The following DENND6B variants were observed in gnomAD, a reference collection of about 807,000 sequenced individuals.
DENND6B encodes the protein protein DENND6B.
Under a neutral mutation model 85.1 loss-of-function variants are expected in DENND6B, and 73 were observed. That is an observed-to-expected ratio of 0.86 (90% confidence interval 0.71 to 1.04). The LOEUF (loss-of-function observed/expected upper bound fraction) is 1.04. Ranked by LOEUF, DENND6B falls within the 50% of genes least tolerant of loss-of-function variation. The pLI, the probability that DENND6B is intolerant of heterozygous loss-of-function variation, is 0.00. For synonymous variants in DENND6B, 357 were observed against 329.3 expected (o/e 1.08, Z -0.91); for missense variants, 715 against 785.8 (o/e 0.91, Z 1.08).
chr22:50,321,642 G>C (rs1472116829), intron 1 of DENND6B, among the ~76,000 whole-genome samples: 1 of 152,090 alleles, frequency 6.6e-6, no homozygotes, highest in Non-Finnish European at 1.5e-5. Flanking sequence ...GATTACAGGT[G>C]TGAGCCACGG....
chr22:50,313,750 T>C (rs2147767748), intron 14 of DENND6B, 26 bp from the exon 15 acceptor site: 7 of 1,606,428 alleles, frequency 4.4e-6, no homozygotes, highest in Non-Finnish European at 5.9e-6. Flanking sequence ...GGCCAGGCCC[T>C]TGCTGCGCTT....
chr22:50,314,173 G>A (rs190906774), intron 13 of DENND6B, 34 bp downstream of exon 13: 146 of 1,584,690 alleles, frequency 9.2e-5, no homozygotes, highest in Admixed American at 8.5e-4. Context: ...GCCTCTCCAC[G>A]GTGGAGGGGC....
chr22:50,323,281 CTTT>C (rs571677497), intron 1 of DENND6B, among the ~76,000 whole-genome samples: 3 of 126,100 alleles, frequency 2.4e-5, no homozygotes, highest in Non-Finnish European at 1.7e-5. Flanking sequence ...ATGCCTGGCT[CTTT>C]TTTTTTTTTT....
At chr22:50,323,482 C>A (rs1280045246) in intron 1 of DENND6B, among the ~76,000 whole-genome samples, 1 of 151,726 alleles carries the variant, frequency 6.6e-6, no homozygotes, top group Non-Finnish European at 1.5e-5. Flanking sequence ...GACAGGGTTT[C>A]ACCATGTTGC....
Position 50,326,871 on chromosome 22 carries a change from C to A in DENND6B, c.118G>T (p.Ala40Ser). 7.0e-7 allele frequency: 1 copy of A among 1,422,938 alleles called. No homozygotes were observed. The highest frequency in any genetic ancestry group is 1.5e-5 in the African/African-American group (1 of 67,144). The allele number at this position is 1,422,938 out of a possible 1,614,324, so 88.1% of individuals were successfully genotyped here. A position where few individuals can be genotyped will look rare whatever the true frequency, so the allele number is the denominator to read the frequency against. ...ACCACGCACACACACTCCAGCCAGG[C>A]GGAGAAGCGCGCCCAGGGCGCCGCC... ...TPAAPWARFS[A>S]WLECVCVVTF... Residue 40 changes from alanine to serine, a missense_variant, in exon 1 of 20, where the codon GCC (alanine) becomes TCC (serine). Transcript: ENST00000413817.
In DENND6B at chr22:50,311,966, G is replaced by A; in HGVS notation, c.*173C>T. On this transcript the variant is annotated 3_prime_UTR_variant, in exon 20 of 20. Coordinates refer to ENST00000413817, the MANE Select transcript of DENND6B (RefSeq NM_001001794.4). ...ACCCCTATGGTCAAGGCCATGCTGT[G>A]GTTCCAAATGTCGCCTTTACTGCTG... 2 of 1,120,134 alleles carry A rather than the reference G, an allele frequency of 1.8e-6. No individual in the cohort carries two copies. Among genetic ancestry groups the A allele is most frequent in the Non-Finnish European group, 2.5e-6 (2 of 810,512 alleles). The allele number at this position is 1,120,134 out of a possible 1,614,324, so 69.4% of individuals were successfully genotyped here. A position where few individuals can be genotyped will look rare whatever the true frequency, so the allele number is the denominator to read the frequency against.
In DENND6B at chr22:50,314,477, C is replaced by T; in HGVS notation, c.995G>A (p.Gly332Glu). The change falls in exon 12 of 20, where the codon GGA becomes GAA. Residue 332 changes from glycine (G) to glutamate (E), a missense_variant. Transcript: ENST00000413817. ...RTQAPPNVVL[G>E]VTNPFFIKTL... ...TTTGATAAAGAAAGGGTTTGTGACTCCCAGGACCACGTTTGGTCTAGACAG... is the reference window on the plus strand; with the variant it reads ...TTTGATAAAGAAAGGGTTTGTGACTTCCAGGACCACGTTTGGTCTAGACAG... The T allele has an allele frequency of 6.4e-7, 1 of 1,561,180 alleles. No homozygotes were observed. Among genetic ancestry groups the T allele is most frequent in the Non-Finnish European group, 8.7e-7 (1 of 1,151,868 alleles).
At chr22:50,316,837 C>G in intron 5 of DENND6B, 2 of 1,051,468 alleles carry the variant, frequency 1.9e-6, no homozygotes, top group Non-Finnish European at 2.4e-6. Context: ...TGATGACCCT[C>G]CAGCCATCAG....
rs1320692422 is a variant in DENND6B, at chr22:50,317,090, TG to T, written c.453+202del. The T allele has an allele frequency of 2.0e-4, 30 of 153,056 alleles. No homozygotes were observed. In the African/African-American group the frequency reaches 2.0e-3, roughly 10 times the overall value. The allele number at this position is 153,056 out of a possible 1,614,324, so 9.5% of individuals were successfully genotyped here. A position where few individuals can be genotyped will look rare whatever the true frequency, so the allele number is the denominator to read the frequency against. On this transcript the variant is annotated intron_variant, in intron 5 of 19. Transcript: ENST00000413817. Reference sequence around the variant, plus strand: ...GTGGGGGGGGGCGGCGAGGACAGGGTGGGGGGGTGGCGAGGACAGGGTGGGG... The same window carrying T: ...GTGGGGGGGGGCGGCGAGGACAGGGTGGGGGGTGGCGAGGACAGGGTGGGG...
Position 50,311,921 on chromosome 22 carries a change from C to A in DENND6B, c.*218G>T. 1 of 781,338 alleles carries A rather than the reference C, an allele frequency of 1.3e-6. No individual in the cohort carries two copies. Among genetic ancestry groups the A allele is most frequent in the Admixed American group, 3.0e-5 (1 of 33,126 alleles). 48.4% of individuals were successfully genotyped at this position (781,338 alleles called of 1,614,324 possible). On this transcript the variant is annotated 3_prime_UTR_variant, in exon 20 of 20. Transcript: ENST00000413817. ...AGGCCAGGTGGGACCCAGGAGGAGGCAAGGCTCTGCCTGCGAGGAACCCCT... is the reference window on the plus strand; with the variant it reads ...AGGCCAGGTGGGACCCAGGAGGAGGAAAGGCTCTGCCTGCGAGGAACCCCT...
At chr22:50,321,236 T>C (rs1210583124) in intron 1 of DENND6B, among the ~76,000 whole-genome samples, 2 of 152,136 alleles carry the variant, frequency 1.3e-5, no homozygotes, top group Non-Finnish European at 2.9e-5. Flanking sequence ...TGTGAGAGCC[T>C]CCTCTCTCAT....
rs1393158853 is a variant in DENND6B at position 50,326,972 on chromosome 22, C to T, written c.17G>A (p.Gly6Asp). MDALL[G>D]TGPRRARGCL... ...GCCGCGAGCCCGGCGAGGCCCTGTG[C>T]CCAACAGCGCGTCCATGGCGGCGGC... Residue 6 changes from glycine (G) to aspartate (D), a missense_variant, in exon 1 of 20, where the codon GGC (glycine) becomes GAC (aspartate). Gly to Asp is a moderately conservative substitution (Grantham distance 94). Coordinates refer to ENST00000413817, the MANE Select transcript of DENND6B (RefSeq NM_001001794.4). 1 of 1,209,366 alleles carries T rather than the reference C, an allele frequency of 8.3e-7. No individual in the cohort carries two copies. The highest frequency in any genetic ancestry group is 1.0e-6 in the Non-Finnish European group (1 of 975,402). The allele number at this position is 1,209,366 out of a possible 1,614,324, so 74.9% of individuals were successfully genotyped here.
intron 1 of DENND6B, among the ~76,000 whole-genome samples, chr22:50,324,505 A>G (rs914563988): frequency 1.3e-5 from 2 of 151,584 alleles, no homozygotes; most frequent in Admixed American, 1.3e-4. Context: ...GCTCACCACA[A>G]CCTCCGCCTC....
At chr22:50,317,148 G>A in intron 5 of DENND6B, 145 bp downstream of exon 5, 2 of 795,988 alleles carry the variant, frequency 2.5e-6, no homozygotes, top group Non-Finnish European at 2.0e-6. Context: ...GGGCGGCAAG[G>A]AGAGCTGGAC....
intron 5 of DENND6B, 100 bp from the exon 6 acceptor site, chr22:50,316,575 G>A: frequency 2.6e-6 from 4 of 1,544,130 alleles, no homozygotes; most frequent in Non-Finnish European, 3.5e-6. Flanking sequence ...CCTGGAGCTG[G>A]CCCAGGGTAG....
In DENND6B at chr22:50,310,724, T is replaced by C. The variant is rs113848466; in HGVS notation, c.*1415A>G. 77,986 of 151,904 alleles carry C rather than the reference T, an allele frequency of 0.51. 20,830 individuals are homozygous for C. The highest frequency in any genetic ancestry group is 0.66 in the African/African-American group (27,358 of 41,434). The allele number at this position is 151,904 out of a possible 1,614,324, so 9.4% of individuals were successfully genotyped here. On this transcript the variant is annotated 3_prime_UTR_variant, in exon 20 of 20. Transcript: ENST00000413817. ...CGTTGGGAGGCCGAGGCGGGCGGAT[T>C]ACGAGGTCAGGAGATCGAGACCATC...
chr22:50,313,507 G>C lies in DENND6B; in HGVS notation c.1294-8C>G, dbSNP rs1045787381. 2 of 1,545,224 alleles carry C rather than the reference G, an allele frequency of 1.3e-6. No homozygotes were observed. The highest frequency in any genetic ancestry group is 2.7e-5 in the African/African-American group (2 of 72,850). On this transcript the variant is annotated splice_polypyrimidine_tract_variant and splice_region_variant and intron_variant, in intron 15 of 19. Transcript: ENST00000413817. ...GCTGGCCATGTAGTGCTCCTGGGTG[G>C]GGAAGGGAGGGGAGTGAGCCCGGGG...
intron 1 of DENND6B, 112 bp downstream of exon 1, chr22:50,326,700 G>T: frequency 1.0e-6 from 1 of 991,282 alleles, no homozygotes; most frequent in Non-Finnish European, 1.3e-6. Flanking sequence ...AGGAGGCGGC[G>T]GCCGAAGGCC....
intron 6 of DENND6B, 51 bp downstream of exon 6, chr22:50,316,319 G>A: frequency 1.9e-6 from 3 of 1,562,228 alleles, no homozygotes; most frequent in East Asian, 2.4e-5. Context: ...CCCACCAGGG[G>A]CCACAGCTGG....
Sources: allele counts gnomAD v4.1 joint callset (sites outside exome capture counted in the v4.1 genomes callset), GRCh38; gene constraint gnomAD v4.1.1; transcripts MANE v1.5; gene names NCBI Gene and HGNC (gene_info 2026-07-23, HGNC 2026-07-21).